TMEM135: variants seen among roughly 807,000 people sequenced by gnomAD.
The protein encoded by TMEM135 is transmembrane protein 135, also known as peroxisomal membrane protein 52.
TMEM135 carries 30 observed loss-of-function variants against 60.3 expected under a neutral mutation model. The ratio of observed to expected loss-of-function variants is 0.50; its 90% CI spans 0.37 to 0.68. TMEM135 has a LOEUF of 0.68. TMEM135 is among the 30% of genes least tolerant of loss of function. The probability of loss-of-function intolerance (pLI) is 0.00; values close to 1 mark genes in which losing one functional copy is unlikely to be tolerated. For synonymous variants in TMEM135, 190 were observed against 186.7 expected (o/e 1.02, Z -0.14); for missense variants, 468 against 548.8 (o/e 0.85, Z 1.47).
At chr11:87,055,927 G>A (rs749056219) in intron 1 of TMEM135, among the ~76,000 whole-genome samples, 28 of 152,212 alleles carry the variant, frequency 1.8e-4, no homozygotes, top group Non-Finnish European at 3.2e-4. Flanking sequence ...AGTCCGCAGC[G>A]CAAAGCAAAA....
rs1203555207 is a variant in TMEM135 at position 87,325,629 on chromosome 11, A to G, written c.*4296A>G. 1.8e-5 allele frequency: 8 copies of G among 453,788 alleles called. No individual in the cohort carries two copies. The highest frequency in any genetic ancestry group is 3.5e-5 in the Non-Finnish European group (8 of 226,772). The allele number at this position is 453,788 out of a possible 1,614,324, so 28.1% of individuals were successfully genotyped here. Reference sequence around the variant, plus strand: ...GGACTTCATTGCAACCTTTTAAGCCAGCCGTTCAAGTGAGAGGCTCTGGAG... The same window carrying G: ...GGACTTCATTGCAACCTTTTAAGCCGGCCGTTCAAGTGAGAGGCTCTGGAG... On this transcript the variant is annotated 3_prime_UTR_variant, in exon 15 of 15. Coordinates refer to ENST00000305494, the MANE Select transcript of TMEM135 (RefSeq NM_022918.4).
intron 10 of TMEM135, among the ~76,000 whole-genome samples, chr11:87,311,810 T>C (rs535797194): frequency 2.0e-5 from 3 of 152,150 alleles, no homozygotes; most frequent in African/African-American, 7.2e-5. Context: ...TGTTTCTTGG[T>C]TAACTGACCC....
At chr11:87,209,908 G>A (rs1321434482) in intron 5 of TMEM135, among the ~76,000 whole-genome samples, 2 of 152,134 alleles carry the variant, frequency 1.3e-5, no homozygotes, top group Admixed American at 6.5e-5. Flanking sequence ...TAAACAGCCT[G>A]CTCTTGAATG....
At chr11:87,105,096 A>C (rs1020802374) in intron 4 of TMEM135, among the ~76,000 whole-genome samples, 2 of 151,984 alleles carry the variant, frequency 1.3e-5, no homozygotes, top group African/African-American at 2.4e-5. Flanking sequence ...ATTCCTCTAT[A>C]CCTAATTTGT....
chr11:87,074,901 G>C (rs150827345), intron 3 of TMEM135, among the ~76,000 whole-genome samples: 1 of 152,172 alleles, frequency 6.6e-6, no homozygotes, highest in African/African-American at 2.4e-5. Flanking sequence ...ATCTAGTCAA[G>C]GTTGATGTGT....
chr11:87,162,796 A>G (rs1389338477), intron 5 of TMEM135, among the ~76,000 whole-genome samples: 3 of 152,206 alleles, frequency 2.0e-5, no homozygotes, highest in African/African-American at 7.2e-5. Context: ...GAATCGCCAC[A>G]CTGTCTTCCA....
intron 3 of TMEM135, among the ~76,000 whole-genome samples, chr11:87,090,660 T>G (rs1186571600): frequency 6.6e-6 from 1 of 152,110 alleles, no homozygotes; most frequent in African/African-American, 2.4e-5. Context: ...TGTGCTTCAT[T>G]CATTTCTCAT....
At chr11:87,212,824 GAAAAAAAA>G (rs60084755) in intron 5 of TMEM135, among the ~76,000 whole-genome samples, 1 of 105,522 alleles carries the variant, frequency 9.5e-6, no homozygotes, top group Admixed American at 1.0e-4. Flanking sequence ...CCTGATTTTG[GAAAAAAAA>G]AAAAAAAAAA....
chr11:87,086,774 C>T (rs556426553), intron 3 of TMEM135, among the ~76,000 whole-genome samples: 6 of 152,284 alleles, frequency 3.9e-5, no homozygotes, highest in African/African-American at 9.6e-5. Flanking sequence ...AACAGGAAGG[C>T]AAGTTCTTAA....
chr11:87,320,310 G>C (rs928633464), intron 14 of TMEM135, among the ~76,000 whole-genome samples: 3 of 152,116 alleles, frequency 2.0e-5, no homozygotes, highest in Non-Finnish European at 4.4e-5. Flanking sequence ...CATAAACCAG[G>C]CAGTCTGGCT....
intron 3 of TMEM135, among the ~76,000 whole-genome samples, chr11:87,086,569 C>T (rs1275039959): frequency 6.6e-6 from 1 of 150,948 alleles, no homozygotes; most frequent in Non-Finnish European, 1.5e-5. Context: ...TTTTTTTCCT[C>T]TCAGTGTGCC....
Position 87,075,389 on chromosome 11 carries a change from C to G in TMEM135, c.362+3774C>G, listed in dbSNP as rs12273918. ...CAGGATGGTTTCGATCTCCGGACCT[C>G]GTGATCTGCCCGCCTCAGCCTCCCA... On this transcript the variant is annotated intron_variant, in intron 3 of 14. Transcript: ENST00000305494. Among the ~76,000 whole-genome samples the G allele has an allele frequency of 4.9e-3, 740 of 152,104 alleles. 4 individuals carry two copies. The highest frequency in any genetic ancestry group is 7.5e-3 in the Admixed American group (114 of 15,272).
chr11:87,176,031 A>G (rs150505844), intron 5 of TMEM135, among the ~76,000 whole-genome samples: 2,282 of 152,188 alleles, frequency 0.015, 42 homozygotes, highest in Non-Finnish European at 0.024. Flanking sequence ...CATCATTTTT[A>G]TTTTTAATTG....
At chr11:87,097,833 T>G (rs1397662597) in intron 4 of TMEM135, among the ~76,000 whole-genome samples, 2 of 152,222 alleles carry the variant, frequency 1.3e-5, no homozygotes, top group Admixed American at 6.5e-5. Flanking sequence ...GTCACTGTTG[T>G]GAGGCCTTCC....
intron 6 of TMEM135, among the ~76,000 whole-genome samples, chr11:87,268,208 A>G (rs1352397474): frequency 2.6e-5 from 2 of 76,252 alleles, no homozygotes; most frequent in Non-Finnish European, 6.4e-5. Context: ...TTTTTTTGAG[A>G]CTGGGTCTTA....
intron 6 of TMEM135, among the ~76,000 whole-genome samples, chr11:87,257,090 C>A (rs1479652672): frequency 6.6e-6 from 1 of 152,126 alleles, no homozygotes; most frequent in East Asian, 1.9e-4. Context: ...TAACTCTTAG[C>A]AATGTTGAGT....
At chr11:87,312,884 C>T (rs1942665637) in intron 10 of TMEM135, among the ~76,000 whole-genome samples, 1 of 151,900 alleles carries the variant, frequency 6.6e-6, no homozygotes, top group Admixed American at 6.6e-5. Context: ...TTTACCTTCA[C>T]TTTTCTATTT....
chr11:87,085,063 T>C (rs1857067355), intron 3 of TMEM135, among the ~76,000 whole-genome samples: 1 of 152,228 alleles, frequency 6.6e-6, no homozygotes, highest in Non-Finnish European at 1.5e-5. Flanking sequence ...AACAATAAAT[T>C]GGCATTTAAT....
intron 4 of TMEM135, among the ~76,000 whole-genome samples, chr11:87,094,109 C>T (rs1265035300): frequency 1.3e-5 from 2 of 152,012 alleles, no homozygotes; most frequent in African/African-American, 4.8e-5. Context: ...GAATTTCCAT[C>T]GTGATCTTTC....
Sources: allele counts gnomAD v4.1 joint callset (sites outside exome capture counted in the v4.1 genomes callset), GRCh38; gene constraint gnomAD v4.1.1; transcripts MANE v1.5; gene names NCBI Gene and HGNC (gene_info 2026-07-23, HGNC 2026-07-21).